The following THSD7B variants were observed in gnomAD, a reference collection of about 807,000 sequenced individuals.
THSD7B encodes the protein thrombospondin type 1 domain containing 7B, also known as thrombospondin type-1 domain-containing protein 7B.
In THSD7B, 138 loss-of-function variants were observed where a neutral mutation model predicts 213.6. The ratio of observed to expected loss-of-function variants is 0.65; its 90% CI spans 0.56 to 0.74. The LOEUF is 0.74. THSD7B is among the 30% of genes least tolerant of loss of function. THSD7B has a pLI of 0.00. For missense variants in THSD7B, 1,931 were observed against 1,991.5 expected (o/e 0.97, Z 0.58); for synonymous variants, 742 against 687.0 (o/e 1.08, Z -1.25).
chr2:137,113,147 G>A (rs1213840179), intron 4 of THSD7B, among the ~76,000 whole-genome samples: 2 of 152,148 alleles, frequency 1.3e-5, no homozygotes, highest in Non-Finnish European at 2.9e-5. Flanking sequence ...GAGGAAGAGG[G>A]TTTGAAATGA....
At chr2:137,130,420 C>T (rs1688707847) in intron 5 of THSD7B, among the ~76,000 whole-genome samples, 1 of 151,840 alleles carries the variant, frequency 6.6e-6, no homozygotes, top group South Asian at 2.1e-4. Flanking sequence ...GGTACATGTG[C>T]ACAATGTGCA....
chr2:137,519,825 C>A (rs561951751), intron 15 of THSD7B, among the ~76,000 whole-genome samples: 6 of 152,162 alleles, frequency 3.9e-5, no homozygotes, highest in Non-Finnish European at 8.8e-5. Flanking sequence ...TCTTAGAATT[C>A]ATTGATAAAT....
chr2:137,075,569 GC>G (rs1432805191), intron 3 of THSD7B, among the ~76,000 whole-genome samples: 2 of 152,052 alleles, frequency 1.3e-5, no homozygotes, highest in African/African-American at 4.8e-5. Context: ...ATCATCTGAA[GC>G]CTTCTTCTCT....
chr2:136,962,909 A>G (rs914838580), intron 2 of THSD7B, among the ~76,000 whole-genome samples: 1 of 152,152 alleles, frequency 6.6e-6, no homozygotes, highest in African/African-American at 2.4e-5. Context: ...GAAAACTAAT[A>G]TTTCAATTCT....
At chr2:137,575,282 C>T (rs920440705) in intron 17 of THSD7B, among the ~76,000 whole-genome samples, 4 of 152,094 alleles carry the variant, frequency 2.6e-5, no homozygotes, top group East Asian at 3.9e-4. Context: ...CCACAAAGCC[C>T]CCTCCCACTT....
intron 15 of THSD7B, among the ~76,000 whole-genome samples, chr2:137,515,987 C>G (rs1333532691): frequency 6.6e-6 from 1 of 152,184 alleles, no homozygotes; most frequent in Non-Finnish European, 1.5e-5. Context: ...CTCTGCATGT[C>G]AGATCTAACA....
chr2:137,095,084 T>G lies in THSD7B; in HGVS notation c.1162T>G (p.Cys388Gly). The change falls in exon 4 of 28, where the codon TGC becomes GGC. Residue 388 changes from cysteine (C) to glycine (G), a missense_variant. Cys to Gly is a radical substitution (Grantham distance 159). Coordinates refer to ENST00000409968, the MANE Select transcript of THSD7B (RefSeq NM_001316349.2). ...TCCTGAACTTCTTGAGAAAGAGGCCTGCATTGTTGAAGGAGAACTTCTGCA... is the reference window on the plus strand; with the variant it reads ...TCCTGAACTTCTTGAGAAAGAGGCCGGCATTGTTGAAGGAGAACTTCTGCA... The part of the protein sequence containing the change: ...ECPELLEKEA[C>G]IVEGELLQQC... 6.2e-7 allele frequency: 1 copy of G among 1,613,890 alleles called. No homozygotes were observed.
chr2:137,389,193 C>CATATATATATAT lies in THSD7B; in HGVS notation c.2501-16407_2501-16396dup, dbSNP rs59969102. On this transcript the variant is annotated intron_variant, in intron 12 of 27. Coordinates refer to ENST00000409968, the MANE Select transcript of THSD7B (RefSeq NM_001316349.2). ...ATCACCAGTCTCACCATATATCTGT[C>CATATATATATAT]ATATATATATATATATATATATATG... is the stretch of plus-strand genomic sequence containing the variant. Among the ~76,000 whole-genome samples the CATATATATATAT allele has an allele frequency of 6.1e-3, 770 of 127,220 alleles. 12 individuals carry two copies. The highest frequency in any genetic ancestry group is 0.023 in the South Asian group (83 of 3,648). 83.5% of individuals were successfully genotyped at this position (127,220 alleles called of 152,430 possible). A position where few individuals can be genotyped will look rare whatever the true frequency, so the allele number is the denominator to read the frequency against.
At chr2:137,280,565 T>C (rs183026219) in intron 12 of THSD7B, among the ~76,000 whole-genome samples, 15 of 152,242 alleles carry the variant, frequency 9.9e-5, no homozygotes, top group Admixed American at 9.2e-4. Flanking sequence ...GAACAGCACA[T>C]AGAGTTATAG....
intron 2 of THSD7B, among the ~76,000 whole-genome samples, chr2:137,021,780 C>T (rs1003562344): frequency 1.3e-5 from 2 of 152,090 alleles, no homozygotes; most frequent in African/African-American, 4.8e-5. Flanking sequence ...ACCACTAATC[C>T]GTTCTTTATT....
intron 12 of THSD7B, among the ~76,000 whole-genome samples, chr2:137,401,460 T>A (rs549626884): frequency 4.0e-4 from 61 of 152,314 alleles, no homozygotes; most frequent in African/African-American, 1.4e-3. Context: ...GCTTTTATAC[T>A]AGAACGTTCC....
intron 15 of THSD7B, among the ~76,000 whole-genome samples, chr2:137,516,763 G>A (rs1680077882): frequency 6.6e-6 from 1 of 152,188 alleles, no homozygotes; most frequent in Non-Finnish European, 1.5e-5. Context: ...GACTAGTGGG[G>A]TGAGGGCAAT....
At chr2:137,195,802 G>A (rs1487217198) in intron 7 of THSD7B, among the ~76,000 whole-genome samples, 1 of 152,058 alleles carries the variant, frequency 6.6e-6, no homozygotes, top group Non-Finnish European at 1.5e-5. Context: ...AATCATCAAC[G>A]AATGTTGACA....
At chr2:137,496,523 A>G (rs1291274277) in intron 15 of THSD7B, among the ~76,000 whole-genome samples, 2 of 152,090 alleles carry the variant, frequency 1.3e-5, no homozygotes, top group Non-Finnish European at 1.5e-5. Context: ...AGCTTTTATT[A>G]TGTGCAGATT....
chr2:137,162,714 C>CT lies in THSD7B; in HGVS notation c.1525+2347dup, dbSNP rs1378517408. ...TTTCCTTTCTTTCCTTCCTCCCTCCCTCCCTTCCTTCCTTTCTTCCTCCCT... is the reference window on the plus strand; with the variant it reads ...TTTCCTTTCTTTCCTTCCTCCCTCCCTTCCCTTCCTTCCTTTCTTCCTCCCT... On this transcript the variant is annotated intron_variant, in intron 6 of 27. Transcript: ENST00000409968. Among the ~76,000 whole-genome samples the CT allele has an allele frequency of 8.6e-3, 1,310 of 151,724 alleles. 18 individuals are homozygous for CT. Among genetic ancestry groups the CT allele is most frequent in the African/African-American group, 0.03 (1,236 of 41,372 alleles).
intron 15 of THSD7B, among the ~76,000 whole-genome samples, chr2:137,465,776 C>T (rs898031030): frequency 2.6e-5 from 4 of 152,064 alleles, no homozygotes; most frequent in Non-Finnish European, 5.9e-5. Context: ...CTAATATTGC[C>T]GTCTGACAAT....
intron 7 of THSD7B, among the ~76,000 whole-genome samples, chr2:137,219,689 T>G (rs1681323703): frequency 6.6e-6 from 1 of 152,174 alleles, no homozygotes. Flanking sequence ...GCTTATGCAT[T>G]AAGTAGACTA....
intron 15 of THSD7B, among the ~76,000 whole-genome samples, chr2:137,458,837 A>T (rs543510115): frequency 6.6e-6 from 1 of 152,216 alleles, no homozygotes; most frequent in South Asian, 2.1e-4. Context: ...TGTCTCCATA[A>T]ACTTTTCATA....
At chr2:136,890,983 T>C (rs976235743) in intron 2 of THSD7B, among the ~76,000 whole-genome samples, 1 of 152,132 alleles carries the variant, frequency 6.6e-6, no homozygotes, top group Admixed American at 6.5e-5. Context: ...GTGTTTTGTT[T>C]GTATATTTAT....
Sources: gnomAD v4.1 joint callset for allele counts (sites outside exome capture counted in the v4.1 genomes callset) on GRCh38, gnomAD v4.1.1 for gene constraint, MANE v1.5 for transcripts, NCBI Gene and HGNC (gene_info 2026-07-23, HGNC 2026-07-21) for gene names.